OPCML: variants seen among roughly 807,000 people sequenced by gnomAD.
The protein encoded by OPCML is opioid-binding protein/cell adhesion molecule.
In OPCML, 13 loss-of-function variants were observed where a neutral mutation model predicts 37.8. That is an observed-to-expected ratio of 0.34 (90% CI 0.22 to 0.55). The LOEUF (loss-of-function observed/expected upper bound fraction) is 0.55, where lower values mean the gene tolerates loss of function less well. OPCML is among the 20% of genes least tolerant of loss of function. The probability of loss-of-function intolerance (pLI) is 0.91; values close to 1 mark genes in which losing one functional copy is unlikely to be tolerated. For missense variants in OPCML, 341 were observed against 435.6 expected (o/e 0.78, Z 1.93); for synonymous variants, 176 against 168.8 (o/e 1.04, Z -0.33).
chr11:133,167,939 T>C (rs1386325207), intron 1 of OPCML, among the ~76,000 whole-genome samples: 1 of 152,228 alleles, frequency 6.6e-6, no homozygotes, highest in Non-Finnish European at 1.5e-5. Flanking sequence ...TCTCGTTCCT[T>C]CTCTCTAGCA....
chr11:132,440,219 C>T (rs2096027829), intron 4 of OPCML, among the ~76,000 whole-genome samples: 1 of 152,072 alleles, frequency 6.6e-6, no homozygotes, highest in African/African-American at 2.4e-5. Context: ...AGAAAAAGTG[C>T]ATTTCATGTA....
At chr11:133,081,544 C>A (rs993369996) in intron 1 of OPCML, among the ~76,000 whole-genome samples, 4 of 152,164 alleles carry the variant, frequency 2.6e-5, no homozygotes, top group Non-Finnish European at 5.9e-5. Flanking sequence ...CTTTTGTTTT[C>A]CACATCCTGA....
chr11:132,880,082 C>T (rs986202096), intron 2 of OPCML, among the ~76,000 whole-genome samples: 3 of 152,154 alleles, frequency 2.0e-5, no homozygotes, highest in African/African-American at 7.2e-5. Context: ...TACTTCCAAA[C>T]ACTTTCGCTG....
intron 2 of OPCML, among the ~76,000 whole-genome samples, chr11:132,753,684 T>A (rs1188441165): frequency 6.6e-6 from 1 of 152,186 alleles, no homozygotes; most frequent in African/African-American, 2.4e-5. Context: ...GGGTCTCAGT[T>A]GAGGAAGAGG....
At chr11:133,293,322 A>G (rs190677179) in intron 1 of OPCML, among the ~76,000 whole-genome samples, 85 of 152,246 alleles carry the variant, frequency 5.6e-4, no homozygotes, top group Admixed American at 4.3e-3. Flanking sequence ...CATAGAGAGG[A>G]AAAAATAGTA....
intron 1 of OPCML, among the ~76,000 whole-genome samples, chr11:133,285,344 A>G (rs1034353476): frequency 6.6e-6 from 1 of 152,194 alleles, no homozygotes; most frequent in Non-Finnish European, 1.5e-5. Context: ...AGTCTTTTTC[A>G]GCCCTGTAGT....
intron 3 of OPCML, among the ~76,000 whole-genome samples, chr11:132,656,670 G>A (rs7938337): frequency 0.011 from 1,692 of 152,254 alleles, 33 homozygotes; most frequent in African/African-American, 0.038. Flanking sequence ...GCAACTGTGC[G>A]AAAACAGTCA....
Position 133,069,276 on chromosome 11 carries a change from T to C in OPCML, c.62-126266A>G, listed in dbSNP as rs994122613. On this transcript the variant is annotated intron_variant, in intron 1 of 7. Transcript: ENST00000524381. ...CCATGAAACCATGCAAGAAAATTCT[T>C]AACATTATGCCTGATACATGGTAGG... Among the ~76,000 whole-genome samples the C allele has an allele frequency of 5.3e-5, 8 of 152,234 alleles. No individual in the cohort carries two copies. The East Asian group carries it at 1.2e-3, about 22-fold the overall frequency.
chr11:132,727,306 G>A (rs1480919951), intron 2 of OPCML, among the ~76,000 whole-genome samples: 4 of 152,126 alleles, frequency 2.6e-5, no homozygotes, highest in East Asian at 3.9e-4. Flanking sequence ...GTGATCTGAC[G>A]TTTCACCTGT....
rs1270030846 is a variant in OPCML, at chr11:132,682,447, G to C, written c.147-25128C>G. Among the ~76,000 whole-genome samples, 3 of 152,212 alleles carry C rather than the reference G, an allele frequency of 2.0e-5. No individual in the cohort carries two copies. The South Asian group carries it at 6.2e-4, about 32-fold the overall frequency. Reference sequence around the variant, plus strand: ...CCTTCTCTTTGTTTTTAACTGTTAAGATGCTAAAAGGGGGCCAGCCTCTTT... The same window carrying C: ...CCTTCTCTTTGTTTTTAACTGTTAACATGCTAAAAGGGGGCCAGCCTCTTT... On this transcript the variant is annotated intron_variant, in intron 2 of 7. Coordinates refer to ENST00000524381, the MANE Select transcript of OPCML (RefSeq NM_001012393.5).
intron 1 of OPCML, among the ~76,000 whole-genome samples, chr11:133,244,074 T>C (rs984512037): frequency 6.6e-6 from 1 of 152,138 alleles, no homozygotes; most frequent in Non-Finnish European, 1.5e-5. Flanking sequence ...GGGCAGAACA[T>C]GCAAGTGCAG....
chr11:132,460,670 A>G (rs1334606637), intron 4 of OPCML, among the ~76,000 whole-genome samples: 1 of 152,254 alleles, frequency 6.6e-6, no homozygotes, highest in Non-Finnish European at 1.5e-5. Flanking sequence ...TCTTTTGCAG[A>G]AGCAAATAAT....
At chr11:132,963,590 C>CA (rs956752290) in intron 1 of OPCML, among the ~76,000 whole-genome samples, 1,520 of 97,836 alleles carry the variant, frequency 0.016, 9 homozygotes, top group African/African-American at 0.032. Flanking sequence ...GACTGGGTCT[C>CA]AAAAAAAAAA....
chr11:132,882,060 T>C (rs908110614), intron 2 of OPCML, among the ~76,000 whole-genome samples: 1 of 152,102 alleles, frequency 6.6e-6, no homozygotes, highest in African/African-American at 2.4e-5. Flanking sequence ...TATTCCCTTC[T>C]AGGACAGAAG....
chr11:132,678,511 T>C (rs1210083227), intron 2 of OPCML, among the ~76,000 whole-genome samples: 15 of 152,162 alleles, frequency 9.9e-5, no homozygotes, highest in Admixed American at 9.2e-4. Flanking sequence ...CTTCAGTAGG[T>C]GAGTGGATAA....
chr11:132,883,278 A>G (rs558673651), intron 2 of OPCML, among the ~76,000 whole-genome samples: 2 of 152,296 alleles, frequency 1.3e-5, no homozygotes, highest in African/African-American at 4.8e-5. Context: ...ACTTTAAAAA[A>G]AAAAAAGGGG....
chr11:132,576,463 G>A (rs1326713957), intron 3 of OPCML, among the ~76,000 whole-genome samples: 1 of 150,960 alleles, frequency 6.6e-6, no homozygotes, highest in Non-Finnish European at 1.5e-5. Context: ...GCACTCTTTA[G>A]CTTCCTAATT....
At chr11:133,132,471 C>G (rs1209414518) in intron 1 of OPCML, among the ~76,000 whole-genome samples, 1 of 152,138 alleles carries the variant, frequency 6.6e-6, no homozygotes, top group Non-Finnish European at 1.5e-5. Context: ...AATAGTGTGA[C>G]AGTTTCTTGA....
At chr11:132,441,193 A>T in intron 4 of OPCML, among the ~76,000 whole-genome samples, 3 of 49,362 alleles carry the variant, frequency 6.1e-5, no homozygotes, top group Admixed American at 2.7e-4. Flanking sequence ...TTTGAGACGG[A>T]GTTTCGCTCT....
Sources: allele counts gnomAD v4.1 joint callset (sites outside exome capture counted in the v4.1 genomes callset), GRCh38; gene constraint gnomAD v4.1.1; transcripts MANE v1.5; gene names NCBI Gene and HGNC (gene_info 2026-07-23, HGNC 2026-07-21).